YTHDC2: variants seen among roughly 807,000 people sequenced by gnomAD.
YTHDC2 encodes the protein 3'-5' RNA helicase YTHDC2.
Under a neutral mutation model 174.9 loss-of-function variants are expected in YTHDC2, and 45 were observed. The observed-to-expected ratio is 0.26, with a 90% confidence interval of 0.20 to 0.33. YTHDC2 has a LOEUF of 0.33. Among genes scored for constraint, YTHDC2 ranks in the 10% least tolerant of loss-of-function variants. YTHDC2 has a pLI of 1.00. For synonymous variants in YTHDC2, 657 were observed against 574.5 expected (o/e 1.14, Z -2.05); for missense variants, 1,650 against 1,723.7 (o/e 0.96, Z 0.76).
chr5:113,580,316 G>C (rs1404380598), intron 24 of YTHDC2, among the ~76,000 whole-genome samples: 1 of 152,150 alleles, frequency 6.6e-6, no homozygotes, highest in African/African-American at 2.4e-5. Context: ...AAAGTATTGA[G>C]TATTGGGTAC....
In YTHDC2 at chr5:113,530,481, A is replaced by G. The variant is rs533610852; in HGVS notation, c.676-2398A>G. Among the ~76,000 whole-genome samples the G allele has an allele frequency of 8.3e-4, 127 of 152,288 alleles. 1 individual carries two copies. The highest frequency in any genetic ancestry group is 3.4e-3 in the Middle Eastern group (1 of 294). ...TGCAGTATACATTCACAACTAAACC[A>G]AGTCCACTTTCAAATAACACTATAC... is the stretch of plus-strand genomic sequence containing the variant. On this transcript the variant is annotated intron_variant, in intron 4 of 29. Transcript: ENST00000161863.
At chr5:113,535,590 A>C in intron 6 of YTHDC2, 52 bp from the exon 7 acceptor site, 1 of 1,467,286 alleles carries the variant, frequency 6.8e-7, no homozygotes, top group Non-Finnish European at 9.1e-7. Context: ...TTAAAGACTT[A>C]GTCATCAATA....
chr5:113,519,322 CT>C (rs1725369497), intron 2 of YTHDC2, among the ~76,000 whole-genome samples: 2 of 152,070 alleles, frequency 1.3e-5, no homozygotes, highest in Admixed American at 1.3e-4. Context: ...TCATTATTTA[CT>C]TTTTTTCCTC....
At chr5:113,581,817 A>G in intron 25 of YTHDC2, 108 bp downstream of exon 25, 6 of 969,256 alleles carry the variant, frequency 6.2e-6, no homozygotes, top group Non-Finnish European at 8.3e-6. Flanking sequence ...CTTTTTTATA[A>G]TCTAAGATCC....
At chr5:113,524,204 A>ACACTGCT (rs1227654111) in intron 2 of YTHDC2, among the ~76,000 whole-genome samples, 1 of 152,148 alleles carries the variant, frequency 6.6e-6, no homozygotes, top group African/African-American at 2.4e-5. Context: ...AATCAGTATT[A>ACACTGCT]CACTGCTACA....
intron 17 of YTHDC2, among the ~76,000 whole-genome samples, chr5:113,560,272 C>T (rs754014983): frequency 6.6e-6 from 1 of 152,134 alleles, no homozygotes; most frequent in Non-Finnish European, 1.5e-5. Context: ...GATGACATTC[C>T]CTGGACCCTC....
intron 23 of YTHDC2, among the ~76,000 whole-genome samples, chr5:113,569,630 G>A (rs188414923): frequency 3.0e-4 from 45 of 152,128 alleles, no homozygotes; most frequent in African/African-American, 1.1e-3. Flanking sequence ...TTTTTGTCAG[G>A]TTTGTTAAAA....
chr5:113,539,471 GCC>G (rs1775302104), intron 8 of YTHDC2, among the ~76,000 whole-genome samples: 1 of 152,172 alleles, frequency 6.6e-6, no homozygotes. Flanking sequence ...TATGCTGGCT[GCC>G]CACAGCATAT....
intron 1 of YTHDC2, 155 bp downstream of exon 1, chr5:113,514,237 G>C (rs556841029): frequency 1.9e-5 from 18 of 932,944 alleles, no homozygotes; most frequent in African/African-American, 1.6e-4. Context: ...CGGCACCCGG[G>C]TCTGGAACGC....
rs1159024273 is a variant in YTHDC2 at position 113,525,154 on chromosome 5, G to A, written c.452G>A (p.Gly151Glu). The A allele has an allele frequency of 1.9e-6, 3 of 1,599,528 alleles. No individual in the cohort carries two copies. The highest frequency in any genetic ancestry group is 2.6e-6 in the Non-Finnish European group (3 of 1,174,322). ...GAACTTCTGCCTAAAACAGAAAGAGGAAATGTGTTTGCAGTTGAAGCTGGT... is the reference window on the plus strand; with the variant it reads ...GAACTTCTGCCTAAAACAGAAAGAGAAAATGTGTTTGCAGTTGAAGCTGGT... Reference protein sequence around the residue: ...RTELLPKTERGNVFAVEAENR... With the variant: ...RTELLPKTERENVFAVEAENR... The change falls in exon 3 of 30, where the codon GGA becomes GAA. Residue 151 changes from glycine to glutamate, a missense_variant. This residue lies in a region of YTHDC2 where 304 missense variants were observed against 341.4 expected (regional missense o/e 0.89). Transcript: ENST00000161863.
intron 18 of YTHDC2, among the ~76,000 whole-genome samples, chr5:113,563,069 AT>A (rs33947858): frequency 0.63 from 93,055 of 147,840 alleles, 31,304 homozygotes; most frequent in African/African-American, 0.9. Context: ...GGGGGAAAAG[AT>A]TTTTTTTTTT....
intron 16 of YTHDC2, among the ~76,000 whole-genome samples, chr5:113,554,610 A>G (rs1340973885): frequency 6.6e-6 from 1 of 152,028 alleles, no homozygotes; most frequent in Non-Finnish European, 1.5e-5. Flanking sequence ...CAGCTAGTCT[A>G]CTTTTACCTT....
rs1480670308 is a variant in YTHDC2, at chr5:113,561,170, G to C, written c.2307G>C (p.Leu769Phe). The change falls in exon 18 of 30, where the codon TTG becomes TTC. Residue 769 changes from leucine to phenylalanine, a missense_variant. Coordinates refer to ENST00000161863, the MANE Select transcript of YTHDC2 (RefSeq NM_022828.5). The part of the protein sequence containing the change: ...NMLEFQTPEL[L>F]RMPLQELCLH... ...TGGAATTTCAGACTCCGGAACTTTT[G>C]AGAATGCCATTACAGGTAAAAATTT... The C allele has an allele frequency of 1.2e-6, 2 of 1,612,716 alleles. No individual in the cohort carries two copies. Among genetic ancestry groups the C allele is most frequent in the African/African-American group, 1.3e-5 (1 of 74,870 alleles).
intron 12 of YTHDC2, among the ~76,000 whole-genome samples, chr5:113,552,489 C>T (rs1462863239): frequency 6.6e-6 from 1 of 152,054 alleles, no homozygotes; most frequent in African/African-American, 2.4e-5. Flanking sequence ...CATAAAATAT[C>T]CATGTTGTAG....
chr5:113,563,775 A>C, intron 19 of YTHDC2, 84 bp from the exon 20 acceptor site: 1 of 1,455,938 alleles, frequency 6.9e-7, no homozygotes, highest in African/African-American at 1.4e-5. Flanking sequence ...CTATATTCTT[A>C]TTTCTCATTT....
chr5:113,588,641 G>T (rs1048486119), intron 26 of YTHDC2, among the ~76,000 whole-genome samples: 4 of 146,090 alleles, frequency 2.7e-5, no homozygotes, highest in African/African-American at 7.7e-5. Context: ...ATTTTTTTTT[G>T]AGACAGAGTC....
At chr5:113,542,166 C>G (rs1050571660) in intron 9 of YTHDC2, among the ~76,000 whole-genome samples, 1 of 152,116 alleles carries the variant, frequency 6.6e-6, no homozygotes, top group Non-Finnish European at 1.5e-5. Context: ...AACTCATTCT[C>G]AGATAAAAGT....
At chr5:113,518,032 G>A (rs1773590632) in intron 2 of YTHDC2, among the ~76,000 whole-genome samples, 1 of 151,824 alleles carries the variant, frequency 6.6e-6, no homozygotes, top group Non-Finnish European at 1.5e-5. Context: ...AGGACTACAG[G>A]CGCCCACCAC....
chr5:113,514,769 C>T (rs1171858140), intron 1 of YTHDC2, among the ~76,000 whole-genome samples: 1 of 152,080 alleles, frequency 6.6e-6, no homozygotes, highest in Non-Finnish European at 1.5e-5. Flanking sequence ...AAGAGAAAGC[C>T]TCAGCAATAT....
Sources: allele counts gnomAD v4.1 joint callset (sites outside exome capture counted in the v4.1 genomes callset), GRCh38; gene constraint gnomAD v4.1.1; regional missense constraint gnomAD v4.1.1; transcripts MANE v1.5; gene names NCBI Gene and HGNC (gene_info 2026-07-23, HGNC 2026-07-21).